The following CLSPN variants were observed in gnomAD, a reference collection of about 807,000 sequenced individuals.
The protein encoded by CLSPN is claspin homolog.
Under a neutral mutation model 156.3 loss-of-function variants are expected in CLSPN, and 85 were observed. The observed-to-expected ratio is 0.54, with a 90% CI of 0.46 to 0.65. The LOEUF (loss-of-function observed/expected upper bound fraction) is 0.65. Among genes scored for constraint, CLSPN ranks in the 30% least tolerant of loss-of-function variants. CLSPN has a pLI of 0.00. For missense variants in CLSPN, 1,407 were observed against 1,554.9 expected (o/e 0.90, Z 1.60); for synonymous variants, 534 against 542.4 (o/e 0.98, Z 0.22).
rs1257984882 is a variant in CLSPN at position 35,733,003 on chromosome 1, C to T, written c.*3493G>A. On this transcript the variant is annotated 3_prime_UTR_variant, in exon 25 of 25. Transcript: ENST00000318121. The stretch of plus-strand genomic sequence containing the variant: ...TTTTTGAGAGGGAGTCTCACTCTGT[C>T]GCCCATGCTGGAGAGCAGTGGCGTG... 11 of 960,312 alleles carry T rather than the reference C, an allele frequency of 1.1e-5. No homozygotes were observed. The highest frequency in any genetic ancestry group is 5.3e-4 in the Middle Eastern group (1 of 1,904). 59.5% of individuals were successfully genotyped at this position (960,312 alleles called of 1,614,324 possible). A position where few individuals can be genotyped will look rare whatever the true frequency, so the allele number is the denominator to read the frequency against.
intron 1 of CLSPN, among the ~76,000 whole-genome samples, chr1:35,766,739 C>T (rs1303138768): frequency 6.6e-6 from 1 of 151,900 alleles, no homozygotes; most frequent in African/African-American, 2.4e-5. Flanking sequence ...CCACCACGCC[C>T]GGCTATATGT....
intron 24 of CLSPN, among the ~76,000 whole-genome samples, chr1:35,723,757 G>T (rs751100260): frequency 1.4e-4 from 22 of 152,182 alleles, no homozygotes; most frequent in Non-Finnish European, 1.9e-4. Context: ...TTGGGAGGCC[G>T]AAGCGGACAG....
downstream of CLSPN, among the ~76,000 whole-genome samples, chr1:35,731,312 C>G (rs964480377): frequency 6.6e-6 from 1 of 151,808 alleles, no homozygotes; most frequent in African/African-American, 2.4e-5. Flanking sequence ...ATTAGTCAGA[C>G]AAAGAAGGAG....
chr1:35,748,299 TA>T, intron 13 of CLSPN, 105 bp downstream of exon 13: 1 of 1,117,506 alleles, frequency 8.9e-7, no homozygotes, highest in Non-Finnish European at 1.3e-6. Context: ...TGAACACACA[TA>T]AGCTCAGTAC....
At chr1:35,725,733 G>C (rs1360003286) in intron 24 of CLSPN, among the ~76,000 whole-genome samples, 4 of 152,282 alleles carry the variant, frequency 2.6e-5, no homozygotes, top group African/African-American at 9.6e-5. Context: ...GATTTGGGGA[G>C]CTGGGTGTAT....
In CLSPN at chr1:35,763,164, T is replaced by G; in HGVS notation, c.740A>C (p.His247Pro). Reference protein sequence around the residue: ...RAAVKNKVKKHKKKEPSLESG... With the variant: ...RAAVKNKVKKPKKKEPSLESG... ...TTGCAATCATGCTTTACTTGCCTTG[T>G]GCTTTTTTACTTTGTTTTTTACAGC... Residue 247 changes from histidine (H) to proline (P), a missense_variant, in exon 4 of 25, where the codon CAC (histidine) becomes CCC (proline). Transcript: ENST00000318121. The G allele has an allele frequency of 6.4e-7, 1 of 1,567,394 alleles. No homozygotes were observed. Among genetic ancestry groups the G allele is most frequent in the Non-Finnish European group, 8.6e-7 (1 of 1,161,604 alleles).
chr1:35,751,559 C>T lies in CLSPN; in HGVS notation c.1772-53G>A, dbSNP rs1201714353. 7 of 1,549,232 alleles carry T rather than the reference C, an allele frequency of 4.5e-6. No individual in the cohort carries two copies. The East Asian group carries it at 1.4e-4, about 30-fold the overall frequency. ...AGACATAATACAATAATTAGGTATG[C>T]ATTTTAGGCAACTCCAGAAATATTC... On this transcript the variant is annotated intron_variant, in intron 9 of 24. Transcript: ENST00000318121.
intron 24 of CLSPN, among the ~76,000 whole-genome samples, chr1:35,721,551 C>CT (rs1270283037): frequency 5.9e-5 from 9 of 152,036 alleles, no homozygotes; most frequent in African/African-American, 2.2e-4. Flanking sequence ...CCACACCCGG[C>CT]TAATTTTTGT....
intron 13 of CLSPN, 136 bp downstream of exon 13, chr1:35,748,269 A>T (rs1480098500): frequency 1.0e-6 from 1 of 987,552 alleles, no homozygotes; most frequent in Non-Finnish European, 1.5e-6. Context: ...TAATACACAA[A>T]GGGGGTGGAT....
At chr1:35,722,885 C>T (rs1296775630) in intron 24 of CLSPN, among the ~76,000 whole-genome samples, 1 of 152,212 alleles carries the variant, frequency 6.6e-6, no homozygotes, top group Non-Finnish European at 1.5e-5. Context: ...CCCACCTCGG[C>T]CTCCCAAAGT....
In CLSPN at chr1:35,746,876, C is replaced by T; in HGVS notation, c.2744G>A (p.Cys915Tyr). 1.2e-6 allele frequency: 2 copies of T among 1,613,972 alleles called. No individual in the cohort carries two copies. Among genetic ancestry groups the T allele is most frequent in the Non-Finnish European group, 1.7e-6 (2 of 1,179,836 alleles). The change falls in exon 15 of 25, where the codon TGT becomes TAT. Residue 915 changes from cysteine (C) to tyrosine (Y), a missense_variant. By Grantham distance (194) the Cys-to-Tyr change is radical. This residue lies in a region of CLSPN where 1,096 missense variants were observed against 1,193.0 expected (regional missense o/e 0.92). Transcript: ENST00000318121. The surrounding 1 kb of genome is among the most constrained non-coding windows in gnomAD (Gnocchi z 4.2). The part of the protein sequence containing the change: ...DANMDELLDL[C>Y]TGKFTSQAEK... ...AGCCTGAGATGTGAACTTTCCAGTA[C>T]ACAAATCCAACAGCTCATCCATGTT...
chr1:35,759,245 T>C (rs2148624434), intron 8 of CLSPN, among the ~76,000 whole-genome samples: 1 of 152,340 alleles, frequency 6.6e-6, no homozygotes, highest in East Asian at 1.9e-4. Context: ...AGGCAGAAGA[T>C]ACCAACTCAC....
rs1557497158 is a variant in CLSPN, at chr1:35,734,687, A to AAT, written c.*1808_*1809insAT. Reference sequence around the variant, plus strand: ...AGCCAGCCTATGTCTCAAAAAAAAAAAAAGAAAAGAAAAGAAAAGAAAAAG... The same window carrying AAT: ...AGCCAGCCTATGTCTCAAAAAAAAAAATAAAGAAAAGAAAAGAAAAGAAAAAG... On this transcript the variant is annotated 3_prime_UTR_variant, in exon 25 of 25. Coordinates refer to ENST00000318121, the MANE Select transcript of CLSPN (RefSeq NM_022111.4). 9.8e-6 allele frequency: 9 copies of AAT among 914,050 alleles called. No individual in the cohort carries two copies. The South Asian group carries it at 3.5e-4, about 36-fold the overall frequency. 56.6% of individuals were successfully genotyped at this position (914,050 alleles called of 1,614,324 possible). A position where few individuals can be genotyped will look rare whatever the true frequency, so the allele number is the denominator to read the frequency against.
chr1:35,765,813 T>C (rs780929188), intron 1 of CLSPN, among the ~76,000 whole-genome samples: 1 of 152,110 alleles, frequency 6.6e-6, no homozygotes, highest in Non-Finnish European at 1.5e-5. Flanking sequence ...TACCCAATAC[T>C]AGCCATAAAG....
chr1:35,761,244 T>A, intron 6 of CLSPN, 40 bp from the exon 7 acceptor site: 1 of 1,211,142 alleles, frequency 8.3e-7, no homozygotes, highest in Non-Finnish European at 1.2e-6. Flanking sequence ...ATATACTGTA[T>A]ATTCTGAAAT....
chr1:35,740,266 C>T (rs149223634), intron 18 of CLSPN, among the ~76,000 whole-genome samples: 4 of 152,206 alleles, frequency 2.6e-5, no homozygotes, highest in South Asian at 2.1e-4. Context: ...GTAATCAAAA[C>T]GACTAGTTAC....
chr1:35,747,100 A>G (rs1032095198), intron 14 of CLSPN, 108 bp from the exon 15 acceptor site: 1 of 748,770 alleles, frequency 1.3e-6, no homozygotes, highest in Non-Finnish European at 2.3e-6. Context: ...AGGCGGGCGG[A>G]TCACGAGGTC....
rs80209680 is a variant in CLSPN, at chr1:35,736,218, TAAA to T, written c.*275_*277del. On this transcript the variant is annotated 3_prime_UTR_variant, in exon 25 of 25. Transcript: ENST00000318121. ...GGGCAACAGAGTGAGACTCCCATCT[TAAA>T]AAAAAAAAAAAAAAGGAAACCTCAC... 8.1e-4 allele frequency: 724 copies of T among 889,078 alleles called. No individual in the cohort carries two copies. The highest frequency in any genetic ancestry group is 8.9e-4 in the South Asian group (17 of 19,162). The allele number at this position is 889,078 out of a possible 1,614,324, so 55.1% of individuals were successfully genotyped here.
chr1:35,752,502 C>A (rs1187138858), intron 9 of CLSPN, among the ~76,000 whole-genome samples: 2 of 150,308 alleles, frequency 1.3e-5, no homozygotes, highest in African/African-American at 2.5e-5. Context: ...CACTTGAACC[C>A]AGGAGGTAGA....
Sources: allele counts gnomAD v4.1 joint callset (sites outside exome capture counted in the v4.1 genomes callset), GRCh38; gene constraint gnomAD v4.1.1; regional missense constraint gnomAD v4.1.1; non-coding constraint Gnocchi (gnomAD v3.1); transcripts MANE v1.5; gene names NCBI Gene and HGNC (gene_info 2026-07-23, HGNC 2026-07-21).